RNLS: variants seen among roughly 807,000 people sequenced by gnomAD.
The protein encoded by RNLS is renalase, FAD dependent amine oxidase.
Under a neutral mutation model 39.8 loss-of-function variants are expected in RNLS, and 39 were observed. The observed-to-expected ratio is 0.98, with a 90% CI of 0.76 to 1.28. RNLS has a LOEUF of 1.28. RNLS is among the 50% of genes most tolerant of loss of function. The pLI, the probability that RNLS is intolerant of heterozygous loss-of-function variation, is 0.00. For missense variants in RNLS, 410 were observed against 413.3 expected (o/e 0.99, Z 0.07); for synonymous variants, 147 against 150.7 (o/e 0.98, Z 0.18).
chr10:88,567,999 C>G (rs1423044687), intron 4 of RNLS, among the ~76,000 whole-genome samples: 1 of 152,164 alleles, frequency 6.6e-6, no homozygotes, highest in Non-Finnish European at 1.5e-5. Flanking sequence ...CCTTGTCCAC[C>G]ACGACCAGAC....
At chr10:88,392,787 A>AGT (rs1156478567) in intron 4 of RNLS, among the ~76,000 whole-genome samples, 1 of 152,236 alleles carries the variant, frequency 6.6e-6, no homozygotes, top group East Asian at 1.9e-4. Context: ...ATGCAGTACA[A>AGT]AAGCAGTCAA....
At chr10:88,336,446 A>G (rs1213610033) in intron 5 of RNLS, among the ~76,000 whole-genome samples, 1 of 152,234 alleles carries the variant, frequency 6.6e-6, no homozygotes, top group Non-Finnish European at 1.5e-5. Flanking sequence ...ACAACTCCAC[A>G]TAAGATAACC....
chr10:88,511,004 A>G (rs1486380282), intron 4 of RNLS, among the ~76,000 whole-genome samples: 1 of 148,058 alleles, frequency 6.8e-6, no homozygotes, highest in African/African-American at 2.5e-5. Flanking sequence ...GGCAATTATT[A>G]TGCCCATTTT....
At chr10:88,234,286 AT>A in the RNLS span, among the ~76,000 whole-genome samples, 3 of 151,952 alleles carry the variant, frequency 2.0e-5, no homozygotes, top group Non-Finnish European at 4.4e-5. Flanking sequence ...TCTGGAGCAC[AT>A]TCTTGGCATT....
the RNLS span, among the ~76,000 whole-genome samples, chr10:88,253,830 T>C: frequency 6.6e-6 from 1 of 152,074 alleles, no homozygotes; most frequent in African/African-American, 2.4e-5. Flanking sequence ...TTTGTCCCCC[T>C]GGGGCGTGGA....
intron 4 of RNLS, among the ~76,000 whole-genome samples, chr10:88,481,147 G>T (rs79117300): frequency 0.019 from 2,867 of 152,052 alleles, 43 homozygotes; most frequent in South Asian, 0.058. Context: ...CTTTCTTATG[G>T]TTACTGTTTG....
At chr10:88,208,720 T>C in the RNLS span, among the ~76,000 whole-genome samples, 1 of 152,138 alleles carries the variant, frequency 6.6e-6, no homozygotes, top group South Asian at 2.1e-4. Flanking sequence ...CAGAAATTTC[T>C]GATATTTCTG....
intron 4 of RNLS, among the ~76,000 whole-genome samples, chr10:88,506,023 G>A (rs1845770755): frequency 6.6e-6 from 1 of 152,074 alleles, no homozygotes; most frequent in Non-Finnish European, 1.5e-5. Context: ...CTGGGGGTGG[G>A]GCCAAGCCAT....
intron 5 of RNLS, among the ~76,000 whole-genome samples, chr10:88,352,908 T>C (rs925876443): frequency 6.6e-5 from 10 of 152,246 alleles, no homozygotes; most frequent in Non-Finnish European, 1.2e-4. Context: ...GAGATTCAAC[T>C]TCTTCCTGGT....
At chr10:88,174,328 A>G in the RNLS span, among the ~76,000 whole-genome samples, 4 of 151,812 alleles carry the variant, frequency 2.6e-5, no homozygotes, top group East Asian at 7.7e-4. Context: ...CAGATCTTAG[A>G]TGTCTTGTTC....
At chr10:88,287,666 C>T (rs1056115423) in intron 6 of RNLS, among the ~76,000 whole-genome samples, 3 of 151,954 alleles carry the variant, frequency 2.0e-5, no homozygotes, top group African/African-American at 4.8e-5. Context: ...GAGGAGGCCT[C>T]GAGAAACTTA....
chr10:88,216,167 T>C, the RNLS span, among the ~76,000 whole-genome samples: 1 of 152,192 alleles, frequency 6.6e-6, no homozygotes, highest in African/African-American at 2.4e-5. Context: ...ATTCCTGGGT[T>C]TTAGCATATC....
intron 4 of RNLS, among the ~76,000 whole-genome samples, chr10:88,430,811 C>T (rs960625956): frequency 6.6e-6 from 1 of 151,724 alleles, no homozygotes; most frequent in Non-Finnish European, 1.5e-5. Flanking sequence ...GAATGTTAGA[C>T]AAACCTTCCA....
chr10:88,580,011 G>T (rs565927474), intron 3 of RNLS, among the ~76,000 whole-genome samples: 39 of 152,280 alleles, frequency 2.6e-4, no homozygotes, highest in African/African-American at 9.4e-4. Context: ...TGGCTCATCA[G>T]CTTTTTTCCA....
At chr10:88,217,738 G>GAAAAAA in the RNLS span, among the ~76,000 whole-genome samples, 3 of 97,584 alleles carry the variant, frequency 3.1e-5, no homozygotes, top group African/African-American at 1.3e-4. Context: ...GCCTTCAAAT[G>GAAAAAA]AAAAAAAAAA....
intron 4 of RNLS, among the ~76,000 whole-genome samples, chr10:88,542,812 C>T (rs1848116344): frequency 6.6e-6 from 1 of 152,122 alleles, no homozygotes; most frequent in Non-Finnish European, 1.5e-5. Flanking sequence ...GAAGCCTTCC[C>T]TCCGAGTTTT....
chr10:88,484,150 G>A (rs1434037183), intron 4 of RNLS, among the ~76,000 whole-genome samples: 1 of 152,050 alleles, frequency 6.6e-6, no homozygotes, highest in Non-Finnish European at 1.5e-5. Flanking sequence ...TCTTAAGGAT[G>A]AAGGATGCAT....
chr10:88,341,058 C>CAAAAAA (rs58277887), intron 5 of RNLS, among the ~76,000 whole-genome samples: 20 of 128,492 alleles, frequency 1.6e-4, no homozygotes, highest in East Asian at 2.4e-4. Flanking sequence ...GATTCTGTCT[C>CAAAAAA]AAAAAAAAAA....
chr10:88,402,919 A>G (rs928345045), intron 4 of RNLS, among the ~76,000 whole-genome samples: 6 of 152,084 alleles, frequency 3.9e-5, no homozygotes, highest in Non-Finnish European at 7.4e-5. Flanking sequence ...TAATGAATTA[A>G]CAGACCTCAG....
Sources: allele counts gnomAD v4.1 joint callset (sites outside exome capture counted in the v4.1 genomes callset), GRCh38; gene constraint gnomAD v4.1.1; transcripts MANE v1.5; gene names NCBI Gene and HGNC (gene_info 2026-07-23, HGNC 2026-07-21).